The following ATP13A5 variants were observed in gnomAD, a reference collection of about 807,000 sequenced individuals.
The protein encoded by ATP13A5 is probable cation-transporting ATPase 13A5.
A neutral mutation model predicts 150.2 loss-of-function variants in ATP13A5; 149 were observed. That is an observed-to-expected ratio of 0.99 (90% CI 0.87 to 1.14). ATP13A5 has a LOEUF of 1.14. Among genes scored for constraint, ATP13A5 ranks in the 50% most tolerant of loss-of-function variants. The probability of loss-of-function intolerance (pLI) is 0.00; values close to 1 mark genes in which losing one functional copy is unlikely to be tolerated. For synonymous variants in ATP13A5, 497 were observed against 522.2 expected (o/e 0.95, Z 0.66); for missense variants, 1,383 against 1,449.3 (o/e 0.95, Z 0.74).
chr3:193,286,707 G>A (rs539566650), intron 26 of ATP13A5, among the ~76,000 whole-genome samples: 5 of 152,066 alleles, frequency 3.3e-5, no homozygotes, highest in African/African-American at 1.2e-4. Flanking sequence ...CAATAATATC[G>A]AAATCTGTTC....
At chr3:193,330,677 G>A (rs1345742055) in intron 12 of ATP13A5, among the ~76,000 whole-genome samples, 1 of 152,242 alleles carries the variant, frequency 6.6e-6, no homozygotes, top group African/African-American at 2.4e-5. Context: ...ACAAGCCCTG[G>A]AGGAGCAAAG....
intron 1 of ATP13A5, among the ~76,000 whole-genome samples, chr3:193,367,479 T>C (rs1484492903): frequency 6.6e-6 from 1 of 152,124 alleles, no homozygotes; most frequent in Non-Finnish European, 1.5e-5. Context: ...CCAATTTGTT[T>C]TATGAAGCCA....
intron 27 of ATP13A5, among the ~76,000 whole-genome samples, chr3:193,282,282 AACAT>A (rs1408550504): frequency 1.3e-5 from 2 of 152,208 alleles, no homozygotes; most frequent in African/African-American, 2.4e-5. Context: ...CATGTATAAC[AACAT>A]ACATTTCCTG....
intron 9 of ATP13A5, among the ~76,000 whole-genome samples, chr3:193,343,725 A>C (rs1164226985): frequency 1.3e-5 from 2 of 152,148 alleles, no homozygotes; most frequent in Non-Finnish European, 2.9e-5. Flanking sequence ...TTTTCATTTC[A>C]CATTTATTGT....
At chr3:193,319,582 GC>G (rs1368361535) in intron 16 of ATP13A5, among the ~76,000 whole-genome samples, 3 of 152,184 alleles carry the variant, frequency 2.0e-5, no homozygotes, top group African/African-American at 7.2e-5. Flanking sequence ...GGCCTTTCCA[GC>G]CCCCAGAACT....
Position 193,307,422 on chromosome 3 carries a change from C to G in ATP13A5, c.2526-53G>C. The G allele has an allele frequency of 2.5e-6, 4 of 1,596,860 alleles. No individual in the cohort carries two copies. In the South Asian group the frequency reaches 4.5e-5, roughly 18 times the overall value. On this transcript the variant is annotated intron_variant, in intron 21 of 29. Transcript: ENST00000342358. ...ATAGGTAAGAAAAATGAACAGCTCA[C>G]TTGAATATTTTCCATCATAACTAAG... is the stretch of plus-strand genomic sequence containing the variant.
intron 6 of ATP13A5, among the ~76,000 whole-genome samples, chr3:193,353,133 G>A (rs1369938239): frequency 2.0e-5 from 3 of 152,060 alleles, no homozygotes; most frequent in Admixed American, 2.0e-4. Context: ...GGACAACTGT[G>A]AACTGGGCTA....
chr3:193,364,171 C>T lies in ATP13A5; in HGVS notation c.173G>A (p.Arg58Lys). The T allele has an allele frequency of 6.2e-7, 1 of 1,614,126 alleles. No homozygotes were observed. Among genetic ancestry groups the T allele is most frequent in the Non-Finnish European group, 8.5e-7 (1 of 1,179,982 alleles). The change falls in exon 2 of 30, where the codon AGA becomes AAA. Residue 58 changes from arginine (R) to lysine (K), a missense_variant. This residue lies in a region of ATP13A5 where 787 missense variants were observed against 771.9 expected (regional missense o/e 1.02). Transcript: ENST00000342358. Reference sequence around the variant, plus strand: ...GCATGGGATGCAGTTGGCCCACACTCTCCACTGGGGTCTCCAGTAGAACAC... The same window carrying T: ...GCATGGGATGCAGTTGGCCCACACTTTCCACTGGGGTCTCCAGTAGAACAC... ...LLVFYWRPQW[R>K]VWANCIPCPL...
At chr3:193,374,311 G>C (rs1220165141) in intron 1 of ATP13A5, among the ~76,000 whole-genome samples, 6 of 146,494 alleles carry the variant, frequency 4.1e-5, no homozygotes, top group South Asian at 2.2e-4. Context: ...CAGAGAGAGA[G>C]AGAGGAAAGA....
intron 28 of ATP13A5, among the ~76,000 whole-genome samples, chr3:193,278,753 A>G (rs1717342739): frequency 6.6e-6 from 1 of 152,144 alleles, no homozygotes; most frequent in Admixed American, 6.5e-5. Context: ...ACTCTTTTCA[A>G]GTATGGATAG....
chr3:193,375,393 G>A (rs750863856), intron 1 of ATP13A5, among the ~76,000 whole-genome samples: 2 of 152,208 alleles, frequency 1.3e-5, no homozygotes, highest in Non-Finnish European at 2.9e-5. Flanking sequence ...GATTTATTTC[G>A]GGTCTTATGT....
chr3:193,293,242 G>A (rs190146899), intron 25 of ATP13A5, among the ~76,000 whole-genome samples: 44 of 152,230 alleles, frequency 2.9e-4, no homozygotes, highest in Admixed American at 7.2e-4. Flanking sequence ...AGCTTGGACA[G>A]TAGTACCATT....
intron 29 of ATP13A5, among the ~76,000 whole-genome samples, chr3:193,275,885 T>C (rs1190231560): frequency 1.3e-5 from 2 of 152,206 alleles, no homozygotes; most frequent in East Asian, 3.8e-4. Flanking sequence ...AAATTTTTAT[T>C]TTATTATGGG....
At chr3:193,289,810 C>A in intron 26 of ATP13A5, 75 bp downstream of exon 26, 1 of 1,414,270 alleles carries the variant, frequency 7.1e-7, no homozygotes, top group Non-Finnish European at 9.5e-7. Flanking sequence ...GATATATGTT[C>A]AAGCCAAGTT....
Position 193,345,114 on chromosome 3 carries a change from C to T in ATP13A5, c.742-39G>A, listed in dbSNP as rs767706461. The T allele has an allele frequency of 4.1e-5, 64 of 1,575,888 alleles. 2 individuals carry two copies. The South Asian group carries it at 7.0e-4, about 17-fold the overall frequency. ...GTTAACATTTAAACATTAGATAGTT[C>T]ATGTTCTGAAAACCACATGATCTCA... On this transcript the variant is annotated intron_variant, in intron 7 of 29. Coordinates refer to ENST00000342358, the MANE Select transcript of ATP13A5 (RefSeq NM_198505.4).
intron 25 of ATP13A5, 91 bp downstream of exon 25, chr3:193,299,040 C>A (rs777111633): frequency 8.0e-6 from 8 of 995,560 alleles, no homozygotes; most frequent in Non-Finnish European, 1.2e-5. Flanking sequence ...AATAAGGGTG[C>A]CTCTTTCTCA....
chr3:193,330,563 G>C (rs1464727413), intron 12 of ATP13A5, among the ~76,000 whole-genome samples: 1 of 152,226 alleles, frequency 6.6e-6, no homozygotes, highest in Non-Finnish European at 1.5e-5. Flanking sequence ...TCATGGGGGG[G>C]TGTCAGGACC....
chr3:193,277,668 A>T (rs916556709), intron 28 of ATP13A5: 2 of 152,210 alleles, frequency 1.3e-5, no homozygotes, highest in African/African-American at 4.8e-5. Flanking sequence ...TGTGAAATAC[A>T]GCAAATTGTA....
chr3:193,288,369 AT>A (rs977064223), intron 26 of ATP13A5, among the ~76,000 whole-genome samples: 1 of 152,110 alleles, frequency 6.6e-6, no homozygotes, highest in African/African-American at 2.4e-5. Flanking sequence ...ATCGTTGTTT[AT>A]TTTAAGAAAT....
Sources: gnomAD v4.1 joint callset for allele counts (sites outside exome capture counted in the v4.1 genomes callset) on GRCh38, gnomAD v4.1.1 for gene constraint, gnomAD v4.1.1 regional missense constraint, MANE v1.5 for transcripts, NCBI Gene and HGNC (gene_info 2026-07-23, HGNC 2026-07-21) for gene names.